PCDH9: variants seen among roughly 807,000 people sequenced by gnomAD.
The protein encoded by PCDH9 is protocadherin-9.
PCDH9 carries 24 observed loss-of-function variants against 70.6 expected under a neutral mutation model. The observed-to-expected ratio is 0.34, with a 90% CI of 0.25 to 0.48. The LOEUF (loss-of-function observed/expected upper bound fraction) is 0.48. Among genes scored for constraint, PCDH9 ranks in the 20% least tolerant of loss-of-function variants. PCDH9 has a pLI of 0.99. For synonymous variants in PCDH9, 562 were observed against 558.5 expected, an observed-to-expected ratio of 1.01 and a Z score of -0.09; for missense variants, 1,281 against 1,503.6, an observed-to-expected ratio of 0.85 and a Z score of 2.45.
intron 4 of PCDH9, among the ~76,000 whole-genome samples, chr13:66,441,448 C>T (rs447798): frequency 0.96 from 146,474 of 152,248 alleles, 70,694 homozygotes; most frequent in East Asian, 1. Flanking sequence ...ATGAAAACAA[C>T]TTTTTATTTT....
intron 3 of PCDH9, among the ~76,000 whole-genome samples, chr13:66,666,422 T>G (rs1359334084): frequency 2.5e-5 from 3 of 119,142 alleles, no homozygotes; most frequent in Non-Finnish European, 5.4e-5. Flanking sequence ...CTTCTGATGT[T>G]CTGTGTTTTT....
chr13:66,859,207 C>T (rs548398897), intron 3 of PCDH9: 10 of 152,160 alleles, frequency 6.6e-5, no homozygotes, highest in Non-Finnish European at 1.3e-4. Flanking sequence ...GAAACTCTTT[C>T]TTCTCCCAAT....
intron 3 of PCDH9, among the ~76,000 whole-genome samples, chr13:66,697,511 C>T (rs939460186): frequency 3.9e-5 from 6 of 152,214 alleles, no homozygotes; most frequent in Middle Eastern, 3.4e-3. Flanking sequence ...TGCACCAAGA[C>T]CATTTTTAAT....
intron 3 of PCDH9, among the ~76,000 whole-genome samples, chr13:66,824,552 G>C (rs1192217821): frequency 6.8e-6 from 1 of 147,512 alleles, no homozygotes; most frequent in African/African-American, 2.5e-5. Context: ...CTACCCGGTA[G>C]GCTGAGGCAG....
chr13:66,513,917 C>T (rs1959609473), intron 4 of PCDH9, among the ~76,000 whole-genome samples: 1 of 151,758 alleles, frequency 6.6e-6, no homozygotes, highest in East Asian at 1.9e-4. Flanking sequence ...AACTCAGTTT[C>T]AGAAAGCTAT....
intron 4 of PCDH9, among the ~76,000 whole-genome samples, chr13:66,336,259 A>T (rs940714653): frequency 1.4e-5 from 2 of 146,258 alleles, no homozygotes; most frequent in Non-Finnish European, 3.0e-5. Flanking sequence ...GCTTTGCAGG[A>T]TTTTTTTTTT....
chr13:66,539,085 A>G (rs1025811250), intron 4 of PCDH9, among the ~76,000 whole-genome samples: 15 of 152,232 alleles, frequency 9.9e-5, no homozygotes, highest in Non-Finnish European at 1.9e-4. Context: ...ATGTACATAT[A>G]TATTTATATA....
chr13:67,163,539 T>C (rs2138423078), intron 2 of PCDH9, among the ~76,000 whole-genome samples: 1 of 152,344 alleles, frequency 6.6e-6, no homozygotes, highest in Admixed American at 6.5e-5. Flanking sequence ...CTCTGTAATG[T>C]CAAATCATTT....
chr13:66,786,357 A>G (rs757156043), intron 3 of PCDH9, among the ~76,000 whole-genome samples: 1 of 152,200 alleles, frequency 6.6e-6, no homozygotes, highest in Non-Finnish European at 1.5e-5. Flanking sequence ...AGCTGGCCCA[A>G]TACAATCCAA....
chr13:66,675,158 T>C (rs1344325770), intron 3 of PCDH9, among the ~76,000 whole-genome samples: 1 of 152,144 alleles, frequency 6.6e-6, no homozygotes, highest in African/African-American at 2.4e-5. Context: ...GATAAAAACC[T>C]ATACTCACAT....
At chr13:66,825,494 G>T (rs1211954772) in intron 3 of PCDH9, among the ~76,000 whole-genome samples, 1 of 150,294 alleles carries the variant, frequency 6.7e-6, no homozygotes, top group Non-Finnish European at 1.5e-5. Flanking sequence ...GCGCCACCAT[G>T]CCCGGCTAAT....
intron 3 of PCDH9, among the ~76,000 whole-genome samples, chr13:66,802,921 A>C (rs1490430419): frequency 6.6e-6 from 1 of 152,152 alleles, no homozygotes; most frequent in Non-Finnish European, 1.5e-5. Flanking sequence ...CCCAAATTGA[A>C]CCAGGTATTT....
intron 3 of PCDH9, among the ~76,000 whole-genome samples, chr13:66,776,000 T>C (rs2079886343): frequency 6.6e-6 from 1 of 152,186 alleles, no homozygotes; most frequent in Non-Finnish European, 1.5e-5. Flanking sequence ...CAACTGCTTC[T>C]GCTTTTGTCT....
intron 3 of PCDH9, among the ~76,000 whole-genome samples, chr13:66,736,386 G>C (rs1050203077): frequency 2.0e-5 from 3 of 152,212 alleles, no homozygotes; most frequent in Non-Finnish European, 4.4e-5. Flanking sequence ...ACAGAGGAAA[G>C]AACATGTGAG....
chr13:67,039,012 G>A (rs1006538901), intron 2 of PCDH9, among the ~76,000 whole-genome samples: 1 of 152,120 alleles, frequency 6.6e-6, no homozygotes, highest in Non-Finnish European at 1.5e-5. Context: ...TCAGGAGATT[G>A]AATTAATTAT....
At chr13:66,829,772 T>C (rs999012318) in intron 3 of PCDH9, among the ~76,000 whole-genome samples, 1 of 129,130 alleles carries the variant, frequency 7.7e-6, no homozygotes, top group Non-Finnish European at 1.6e-5. Flanking sequence ...TGAAAAACTA[T>C]AGATTTTGTT....
At chr13:66,937,686 C>A (rs1456426183) in intron 2 of PCDH9, among the ~76,000 whole-genome samples, 3 of 152,170 alleles carry the variant, frequency 2.0e-5, no homozygotes, top group Non-Finnish European at 4.4e-5. Context: ...GAGTATTGAC[C>A]AATCCCAGTG....
intron 4 of PCDH9, among the ~76,000 whole-genome samples, chr13:66,450,769 A>T (rs948778818): frequency 1.3e-5 from 2 of 152,188 alleles, no homozygotes; most frequent in African/African-American, 4.8e-5. Flanking sequence ...TAATCCCAGC[A>T]CTTTGGGAGG....
intron 4 of PCDH9, among the ~76,000 whole-genome samples, chr13:66,612,408 T>C (rs2077303976): frequency 6.6e-6 from 1 of 152,180 alleles, no homozygotes; most frequent in Non-Finnish European, 1.5e-5. Context: ...ATTTACAGTG[T>C]TAAATATATA....
Sources: allele counts gnomAD v4.1 joint callset (sites outside exome capture counted in the v4.1 genomes callset), GRCh38; gene constraint gnomAD v4.1.1; transcripts MANE v1.5; gene names NCBI Gene and HGNC (gene_info 2026-07-23, HGNC 2026-07-21).